CLVS2: variants seen among roughly 807,000 people sequenced by gnomAD.
CLVS2 encodes clavesin-2.
A neutral mutation model predicts 29.0 loss-of-function variants in CLVS2; 19 were observed. The observed-to-expected ratio is 0.66, with a 90% CI of 0.46 to 0.96. The LOEUF (loss-of-function observed/expected upper bound fraction) is 0.96, where lower values mean the gene tolerates loss of function less well. CLVS2 is among the 40% of genes least tolerant of loss of function. The probability of loss-of-function intolerance (pLI) is 0.00; values close to 1 mark genes in which losing one functional copy is unlikely to be tolerated. For missense variants in CLVS2, 294 were observed against 404.1 expected (o/e 0.73, Z 2.34); for synonymous variants, 161 against 151.3 (o/e 1.06, Z -0.47).
At chr6:123,030,602 T>G (rs1376204891) in intron 3 of CLVS2, among the ~76,000 whole-genome samples, 1 of 152,084 alleles carries the variant, frequency 6.6e-6, no homozygotes, top group African/African-American at 2.4e-5. Flanking sequence ...GACTTTGCAG[T>G]CCAGGTAATA....
At chr6:123,003,342 A>T (rs1424652762) in intron 2 of CLVS2, among the ~76,000 whole-genome samples, 1 of 152,244 alleles carries the variant, frequency 6.6e-6, no homozygotes, top group East Asian at 1.9e-4. Flanking sequence ...ATATTTTAAA[A>T]CATGAGCCAA....
At chr6:123,021,201 G>A (rs1582649863) in intron 3 of CLVS2, among the ~76,000 whole-genome samples, 1 of 151,130 alleles carries the variant, frequency 6.6e-6, no homozygotes, top group East Asian at 2.0e-4. Flanking sequence ...TAGTTGTTAG[G>A]CATCCATTAT....
At chr6:123,053,748 G>C (rs1031695576) in intron 4 of CLVS2, among the ~76,000 whole-genome samples, 4 of 152,170 alleles carry the variant, frequency 2.6e-5, no homozygotes, top group Non-Finnish European at 4.4e-5. Flanking sequence ...TGTGTGGGGG[G>C]CGTGGAGTCA....
At chr6:123,012,272 T>C (rs966174097) in intron 3 of CLVS2, among the ~76,000 whole-genome samples, 3 of 152,014 alleles carry the variant, frequency 2.0e-5, no homozygotes, top group African/African-American at 7.2e-5. Context: ...GTGTATATCA[T>C]ATAGAATCAG....
intron 4 of CLVS2, among the ~76,000 whole-genome samples, chr6:123,051,656 G>A (rs566448451): frequency 6.6e-6 from 1 of 152,200 alleles, no homozygotes; most frequent in Non-Finnish European, 1.5e-5. Flanking sequence ...TCTACTCCTT[G>A]TTGATTCTCA....
At chr6:122,999,167 A>G (rs1363888623) in intron 2 of CLVS2, among the ~76,000 whole-genome samples, 1 of 152,168 alleles carries the variant, frequency 6.6e-6, no homozygotes, top group Non-Finnish European at 1.5e-5. Flanking sequence ...GTGTATTTTT[A>G]GTTCTGTGAA....
intron 4 of CLVS2, among the ~76,000 whole-genome samples, chr6:123,055,078 T>C (rs957670943): frequency 6.6e-6 from 1 of 152,118 alleles, no homozygotes; most frequent in Non-Finnish European, 1.5e-5. Flanking sequence ...TCTATAATCA[T>C]AGACAAAATG....
At chr6:123,048,541 T>C in intron 3 of CLVS2, 81 bp from the exon 4 acceptor site, 1 of 888,074 alleles carries the variant, frequency 1.1e-6, no homozygotes, top group Non-Finnish European at 1.8e-6. Flanking sequence ...AAGAATAAAT[T>C]TGTATACCAT....
chr6:123,071,993 C>T lies in CLVS2; in HGVS notation c.*8232C>T, dbSNP rs1056651064. 5.3e-5 allele frequency: 8 copies of T among 152,114 alleles called. No homozygotes were observed. Among genetic ancestry groups the T allele is most frequent in the Admixed American group, 1.3e-4 (2 of 15,226 alleles). The allele number at this position is 152,114 out of a possible 1,614,324, so 9.4% of individuals were successfully genotyped here. A position where few individuals can be genotyped will look rare whatever the true frequency, so the allele number is the denominator to read the frequency against. ...TACAGTCACAATTGTTCTTAACTAT[C>T]CCAAATTTTTATTTCCTATTTGGAC... is the stretch of plus-strand genomic sequence containing the variant. On this transcript the variant is annotated 3_prime_UTR_variant, in exon 6 of 6. Transcript: ENST00000275162.
rs150068398 is a variant in CLVS2, at chr6:123,028,329, G to A, written c.564+17170G>A. ...ACATGTCTAGAATCTTAGAATTTTA[G>A]CATTTGAAGGAAACTTAGAAATCGC... is the stretch of plus-strand genomic sequence containing the variant. On this transcript the variant is annotated intron_variant, in intron 3 of 5. Transcript: ENST00000275162. Among the ~76,000 whole-genome samples, 867 of 152,216 alleles carry A rather than the reference G, an allele frequency of 5.7e-3. 9 individuals are homozygous for A. Among genetic ancestry groups the A allele is most frequent in the African/African-American group, 0.02 (825 of 41,532 alleles).
rs1288836972 is a variant in CLVS2, at chr6:122,997,280, C to T, written c.-498C>T. The stretch of plus-strand genomic sequence containing the variant: ...GCTACCTTATTATTAATCAGAATTT[C>T]CATCGCCACCCCTGGCAGGCGTATC... On this transcript the variant is annotated 5_prime_UTR_variant, in exon 2 of 6. Transcript: ENST00000275162. 5.9e-6 allele frequency: 1 copy of T among 169,568 alleles called. No homozygotes were observed. The highest frequency in any genetic ancestry group is 1.4e-5 in the Non-Finnish European group (1 of 69,934). The allele number at this position is 169,568 out of a possible 1,614,324, so 10.5% of individuals were successfully genotyped here.
Position 123,048,579 on chromosome 6 carries a change from A to G in CLVS2, c.565-43A>G, listed in dbSNP as rs372543361. 3.9e-4 allele frequency: 509 copies of G among 1,314,152 alleles called. 2 individuals are homozygous for G. Among genetic ancestry groups the G allele is most frequent in the Non-Finnish European group, 4.8e-4 (440 of 907,794 alleles). The allele number at this position is 1,314,152 out of a possible 1,614,324, so 81.4% of individuals were successfully genotyped here. ...AACCTTTCCTAAACCTTCTCAGTCT[A>G]TTAAAGCATATTTTGATTGTTTTTT... On this transcript the variant is annotated intron_variant, in intron 3 of 5. Transcript: ENST00000275162.
At chr6:123,017,100 G>T (rs1449266125) in intron 3 of CLVS2, among the ~76,000 whole-genome samples, 1 of 151,904 alleles carries the variant, frequency 6.6e-6, no homozygotes, top group Non-Finnish European at 1.5e-5. Context: ...GTGTGTGTGT[G>T]TGTGTGTGTG....
At chr6:123,022,660 G>A (rs746552266) in intron 3 of CLVS2, among the ~76,000 whole-genome samples, 6 of 151,962 alleles carry the variant, frequency 3.9e-5, no homozygotes, top group Admixed American at 3.9e-4. Flanking sequence ...AATTCTAATG[G>A]ATGTACTTAT....
At chr6:123,059,678 T>G (rs1358025513) in intron 5 of CLVS2, among the ~76,000 whole-genome samples, 2 of 152,218 alleles carry the variant, frequency 1.3e-5, no homozygotes, top group African/African-American at 4.8e-5. Context: ...CTGACTGGTA[T>G]GGGGGTTCCT....
chr6:123,050,260 A>T (rs545348148), intron 4 of CLVS2, among the ~76,000 whole-genome samples: 4 of 152,226 alleles, frequency 2.6e-5, no homozygotes, highest in Non-Finnish European at 5.9e-5. Flanking sequence ...TAATGAAAGG[A>T]TGATCAAGTG....
In CLVS2 at chr6:122,997,929, A is replaced by T; in HGVS notation, c.152A>T (p.Asp51Val). The change falls in exon 2 of 6, where the codon GAT (aspartate) becomes GTT (valine). Residue 51 changes from aspartate to valine, a missense_variant. Asp to Val is a radical substitution (Grantham distance 152). Coordinates refer to ENST00000275162, the MANE Select transcript of CLVS2 (RefSeq NM_001010852.4). ...RPDIGFLRTD[D>V]AFILRFLRAR... ...GACATTGGCTTTCTGCGCACGGATG[A>T]TGCCTTCATCTTACGCTTCTTGCGG... 1 of 1,614,182 alleles carries T rather than the reference A, an allele frequency of 6.2e-7. No homozygotes were observed. Among genetic ancestry groups the T allele is most frequent in the South Asian group, 1.1e-5 (1 of 91,086 alleles).
chr6:123,045,755 G>C (rs1013787169), intron 3 of CLVS2, among the ~76,000 whole-genome samples: 1 of 152,168 alleles, frequency 6.6e-6, no homozygotes, highest in Non-Finnish European at 1.5e-5. Context: ...AATAGTGGAC[G>C]CAGACAAAGA....
intron 3 of CLVS2, 34 bp from the exon 4 acceptor site, chr6:123,048,588 T>C (rs1023453936): frequency 2.1e-6 from 3 of 1,401,374 alleles, no homozygotes; most frequent in Non-Finnish European, 3.0e-6. Flanking sequence ...TATTAAAGCA[T>C]ATTTTGATTG....
Sources: allele counts gnomAD v4.1 joint callset (sites outside exome capture counted in the v4.1 genomes callset), GRCh38; gene constraint gnomAD v4.1.1; transcripts MANE v1.5; gene names NCBI Gene and HGNC (gene_info 2026-07-23, HGNC 2026-07-21).